The following ZNF534 variants were observed in gnomAD, a reference collection of about 807,000 sequenced individuals.
ZNF534 encodes zinc finger protein 534, also known as KRAB domain only 3.
ZNF534 carries 19 observed loss-of-function variants against 13.6 expected under a neutral mutation model. The ratio of observed to expected loss-of-function variants is 1.40; its 90% CI spans 0.97 to 2.05. The LOEUF (loss-of-function observed/expected upper bound fraction) is 2.05, where lower values mean the gene tolerates loss of function less well. Among genes scored for constraint, ZNF534 ranks in the 30% most tolerant of loss-of-function variants. The pLI, the probability that ZNF534 is intolerant of heterozygous loss-of-function variation, is 0.00. For synonymous variants in ZNF534, 244 were observed against 273.8 expected, an observed-to-expected ratio of 0.89 and a Z score of 1.07; for missense variants, 782 against 796.3, an observed-to-expected ratio of 0.98 and a Z score of 0.22.
chr19:52,439,132 G>A lies in ZNF534; in HGVS notation c.1672G>A (p.Val558Ile), dbSNP rs1227276765. 1.9e-6 allele frequency: 3 copies of A among 1,594,900 alleles called. No homozygotes were observed. Among genetic ancestry groups the A allele is most frequent in the Non-Finnish European group, 2.6e-6 (3 of 1,170,118 alleles). Residue 558 changes from valine (V) to isoleucine (I), a missense_variant, in exon 5 of 5, where the codon GTC (valine) becomes ATC (isoleucine). Coordinates refer to ENST00000433050, the MANE Select transcript of ZNF534 (RefSeq NM_001143938.3). The stretch of plus-strand genomic sequence containing the variant: ...TTACAGTTGTAATGAATGTGGCAAG[G>A]TCTTCAGTCGGAATTCACACCTTGC... ...KPYSCNECGK[V>I]FSRNSHLARH... is the part of the protein sequence containing the mutation.
At chr19:52,430,336 A>G (rs541088681) in intron 1 of ZNF534, among the ~76,000 whole-genome samples, 1 of 152,104 alleles carries the variant, frequency 6.6e-6, no homozygotes, top group East Asian at 1.9e-4. Flanking sequence ...CAATTTGGAT[A>G]TGCCAGTGAG....
chr19:52,436,930 C>T (rs1371240006), intron 4 of ZNF534, among the ~76,000 whole-genome samples: 6 of 151,330 alleles, frequency 4.0e-5, no homozygotes, highest in South Asian at 2.1e-4. Flanking sequence ...ATTCTTCTAG[C>T]CATATTTTCT....
At chr19:52,448,277 A>G (rs10403236) in intron 4 of ZNF534, among the ~76,000 whole-genome samples, 2,711 of 152,236 alleles carry the variant, frequency 0.018, 73 homozygotes, top group African/African-American at 0.063. Flanking sequence ...ATTAGCCTGT[A>G]ATCCCAGCTA....
rs16983815 is a variant in ZNF534 at position 52,438,082 on chromosome 19, C to T, written c.622C>T (p.His208Tyr). 7.0e-3 allele frequency: 11,268 copies of T among 1,614,088 alleles called. 679 individuals carry two copies. In the African/African-American group the frequency reaches 0.13, roughly 18 times the overall value. The change falls in exon 5 of 5, where the codon CAC becomes TAC. Residue 208 changes from histidine to tyrosine, a missense_variant. Physicochemically the swap from His to Tyr is moderately conservative, Grantham distance 83. This residue lies in a region of ZNF534 where 591 missense variants were observed against 574.0 expected (regional missense o/e 1.03). Transcript: ENST00000433050. ...SSSLTNRQVI[H>Y]IADKTYKCSD... is the part of the protein sequence containing the mutation. ...AAGCCTTACTAACCGTCAAGTAATC[C>T]ACATTGCAGATAAAACTTACAAATG...
chr19:52,439,587 C>CAAAAAAAAAAAA lies in ZNF534; in HGVS notation c.*152_*163dup. 2 of 503,208 alleles carry CAAAAAAAAAAAA rather than the reference C, an allele frequency of 4.0e-6. No homozygotes were observed. The highest frequency in any genetic ancestry group is 4.3e-5 in the South Asian group (1 of 23,240). 31.2% of individuals were successfully genotyped at this position (503,208 alleles called of 1,614,324 possible). On this transcript the variant is annotated 3_prime_UTR_variant, in exon 5 of 5. Transcript: ENST00000433050. The stretch of plus-strand genomic sequence containing the variant: ...TGAAACCCCATCTCTACTAAAAATA[C>CAAAAAAAAAAAA]AAAAAAAAAAAAAAAAAAAAAATTA...
intron 4 of ZNF534, among the ~76,000 whole-genome samples, chr19:52,449,810 A>G (rs1209416723): frequency 6.6e-5 from 10 of 151,860 alleles, no homozygotes; most frequent in Non-Finnish European, 1.2e-4. Context: ...TCACGAGGTC[A>G]GGAGTTGAAG....
At chr19:52,449,162 T>C (rs746885417) in intron 4 of ZNF534, among the ~76,000 whole-genome samples, 3 of 152,226 alleles carry the variant, frequency 2.0e-5, no homozygotes, top group Non-Finnish European at 4.4e-5. Flanking sequence ...TTGACCCATG[T>C]TGCTGCCGCA....
rs753177019 is a variant in ZNF534, at chr19:52,438,075, A to G, written c.615A>G (p.Gln205=). Reference sequence around the variant, plus strand: ...TGTCTTCAAGCCTTACTAACCGTCAAGTAATCCACATTGCAGATAAAACTT... The same window carrying G: ...TGTCTTCAAGCCTTACTAACCGTCAGGTAATCCACATTGCAGATAAAACTT... ...FRVSSSLTNR[Q]VIHIADKTYK... is the part of the protein sequence containing the mutation. The change falls in exon 5 of 5, where the codon CAA becomes CAG. Residue 205 remains glutamine (Q), a synonymous_variant. Transcript: ENST00000433050. The G allele has an allele frequency of 1.2e-6, 2 of 1,614,206 alleles. No individual in the cohort carries two copies. The highest frequency in any genetic ancestry group is 1.1e-5 in the South Asian group (1 of 91,088).
chr19:52,449,975 C>T (rs947382596), intron 4 of ZNF534, among the ~76,000 whole-genome samples: 2 of 151,964 alleles, frequency 1.3e-5, no homozygotes, highest in African/African-American at 2.4e-5. Context: ...GAGCCAAGAT[C>T]GCACCACTGC....
At chr19:52,446,469 T>A (rs1470362018), downstream of ZNF534, among the ~76,000 whole-genome samples, 1 of 152,162 alleles carries the variant, frequency 6.6e-6, no homozygotes, top group Non-Finnish European at 1.5e-5. Context: ...CTCTAGAGAT[T>A]TTTTATACTT....
downstream of ZNF534, among the ~76,000 whole-genome samples, chr19:52,445,196 AAT>A (rs1491126088): frequency 0.014 from 577 of 40,482 alleles, 3 homozygotes; most frequent in African/African-American, 0.037. Context: ...TCACTCAGCT[AAT>A]TTTTTTTTTT....
exon 5 of ZNF534, chr19:52,452,096 A>G (rs1190200142): frequency 5.9e-6 from 1 of 168,252 alleles, no homozygotes; most frequent in South Asian, 1.5e-4. Context: ...CAAAGAAGAG[A>G]TCATTTAAAA....
intron 4 of ZNF534, among the ~76,000 whole-genome samples, 186 bp downstream of exon 4, chr19:52,435,395 C>G (rs10853848): frequency 0.91 from 137,947 of 151,908 alleles, 63,010 homozygotes; most frequent in Non-Finnish European, 0.96. Context: ...AGCCACTATA[C>G]TCTGCAGAGC....
rs11412365 is a variant in ZNF534, at chr19:52,442,059, T to TCTC, written c.*2613_*2614insCTC. ...ATCACTAGAAATCAAAATATACTTT[T>TCTC]GGATAAAACGACACAGATGGATTGT... On this transcript the variant is annotated 3_prime_UTR_variant, in exon 5 of 5. Transcript: ENST00000433050. Among the ~76,000 whole-genome samples the TCTC allele has an allele frequency of 6.6e-6, 1 of 151,898 alleles. No individual in the cohort carries two copies. Among genetic ancestry groups the TCTC allele is most frequent in the African/African-American group, 2.4e-5 (1 of 41,304 alleles).
intron 4 of ZNF534, 125 bp downstream of exon 4, chr19:52,435,334 T>C: frequency 1.7e-6 from 2 of 1,144,804 alleles, no homozygotes; most frequent in Non-Finnish European, 2.4e-6. Flanking sequence ...ACTCCTGGAC[T>C]TAAGGGATCC....
chr19:52,431,601 A>G, intron 2 of ZNF534, 112 bp downstream of exon 2: 1 of 1,390,796 alleles, frequency 7.2e-7, no homozygotes, highest in South Asian at 1.2e-5. Context: ...ATTTCATTGC[A>G]CTTACCCATG....
intron 1 of ZNF534, among the ~76,000 whole-genome samples, chr19:52,429,588 T>C (rs1382380794): frequency 1.4e-5 from 2 of 145,694 alleles, no homozygotes; most frequent in Non-Finnish European, 3.0e-5. Context: ...AGTCACTTAA[T>C]AGTCTTTTTT....
chr19:52,429,514 A>G (rs113566274), intron 1 of ZNF534, among the ~76,000 whole-genome samples: 23,684 of 149,436 alleles, frequency 0.16, 2,595 homozygotes, highest in African/African-American at 0.32. Context: ...AGTCTAGTTG[A>G]TTGAATCCAT....
downstream of ZNF534, among the ~76,000 whole-genome samples, chr19:52,443,921 C>T (rs1188526255): frequency 1.3e-5 from 2 of 151,780 alleles, no homozygotes; most frequent in Non-Finnish European, 2.9e-5. Flanking sequence ...AAATTTCTCC[C>T]CTCATTTATT....
Sources: gnomAD v4.1 joint callset for allele counts (sites outside exome capture counted in the v4.1 genomes callset) on GRCh38, gnomAD v4.1.1 for gene constraint, gnomAD v4.1.1 regional missense constraint, MANE v1.5 for transcripts, NCBI Gene and HGNC (gene_info 2026-07-23, HGNC 2026-07-21) for gene names.